FBXL20: variants seen among roughly 807,000 people sequenced by gnomAD.
FBXL20 encodes the protein F-box/LRR-repeat protein 20.
In FBXL20, 11 loss-of-function variants were observed where a neutral mutation model predicts 64.0. The observed-to-expected ratio is 0.17, with a 90% confidence interval of 0.11 to 0.28. The LOEUF (loss-of-function observed/expected upper bound fraction) is 0.28, where lower values mean the gene tolerates loss of function less well. Ranked by LOEUF, FBXL20 falls within the 10% of genes least tolerant of loss-of-function variation. FBXL20 has a pLI of 1.00. For missense variants in FBXL20, 303 were observed against 526.2 expected, an observed-to-expected ratio of 0.58 and a Z score of 4.15; for synonymous variants, 184 against 189.0, an observed-to-expected ratio of 0.97 and a Z score of 0.22.
chr17:39,367,174 C>T (rs1443373737), intron 1 of FBXL20, among the ~76,000 whole-genome samples: 1 of 152,034 alleles, frequency 6.6e-6, no homozygotes, highest in African/African-American at 2.4e-5. Context: ...TAAGCCACCG[C>T]GCCCAGCCTA....
intron 2 of FBXL20, among the ~76,000 whole-genome samples, chr17:39,322,239 T>C (rs2047364119): frequency 6.6e-6 from 1 of 151,624 alleles, no homozygotes; most frequent in Non-Finnish European, 1.5e-5. Context: ...ATATGTGTTT[T>C]GTGGGGAAAT....
At chr17:39,349,022 C>T (rs866439400) in intron 1 of FBXL20, among the ~76,000 whole-genome samples, 13 of 151,972 alleles carry the variant, frequency 8.6e-5, no homozygotes, top group Admixed American at 5.2e-4. Flanking sequence ...GAGGCTGAGG[C>T]GGGCAGATCA....
chr17:39,300,921 G>C (rs1315022746), intron 4 of FBXL20, 80 bp downstream of exon 4: 3 of 1,324,242 alleles, frequency 2.3e-6, no homozygotes, highest in Non-Finnish European at 3.2e-6. Context: ...ACGAAAATGA[G>C]ATTAATATGG....
At chr17:39,272,372 G>A (rs564157344) in intron 10 of FBXL20, among the ~76,000 whole-genome samples, 65 of 142,362 alleles carry the variant, frequency 4.6e-4, no homozygotes, top group African/African-American at 9.8e-4. Context: ...GCAACAGAGC[G>A]AGACTTTGTC....
intron 1 of FBXL20, among the ~76,000 whole-genome samples, chr17:39,385,147 A>G (rs150703161): frequency 6.6e-6 from 1 of 152,136 alleles, no homozygotes; most frequent in African/African-American, 2.4e-5. Context: ...GCTTGAGCCT[A>G]GGAGGTCAAG....
chr17:39,358,711 C>CA lies in FBXL20; in HGVS notation c.43-15471dup, dbSNP rs149702501. ...AAAAACAAAAAAACAAAAAAACAAA[C>CA]AAAAAAAACACCTCTCAGTAGAAAC... On this transcript the variant is annotated intron_variant, in intron 1 of 14. Transcript: ENST00000264658. Among the ~76,000 whole-genome samples the CA allele has an allele frequency of 9.2e-4, 139 of 150,718 alleles. 1 individual carries two copies. Among genetic ancestry groups the CA allele is most frequent in the African/African-American group, 3.0e-3 (125 of 41,144 alleles).
At chr17:39,314,900 C>T (rs537398528) in intron 2 of FBXL20, among the ~76,000 whole-genome samples, 22 of 145,770 alleles carry the variant, frequency 1.5e-4, no homozygotes, top group Non-Finnish European at 3.1e-4. Flanking sequence ...CTGGTTCAAA[C>T]GATTCTCCTG....
At position 39,302,017 on chromosome 17, in the gene FBXL20, T is replaced by G. The variant is rs181859476; in HGVS notation, c.160-942A>C. Among the ~76,000 whole-genome samples, 631 of 148,428 alleles carry G rather than the reference T, an allele frequency of 4.3e-3. 8 individuals are homozygous for G. Among genetic ancestry groups the G allele is most frequent in the Non-Finnish European group, 6.8e-3 (458 of 67,570 alleles). On this transcript the variant is annotated intron_variant, in intron 3 of 14. Transcript: ENST00000264658. ...GTATTTTCTAACTGGAAAATTCTAGTTTCTAATCCCAAAATGAGACAAAAG... is the reference window on the plus strand; with the variant it reads ...GTATTTTCTAACTGGAAAATTCTAGGTTCTAATCCCAAAATGAGACAAAAG...
At position 39,256,110 on chromosome 17, in the gene FBXL20, CAGAAGTTCG is replaced by C. The variant is rs1439853579; in HGVS notation, c.*5341_*5349del. On this transcript the variant is annotated 3_prime_UTR_variant, in exon 15 of 15. Transcript: ENST00000264658. ...CCAAGGCAGGTGGACCACTTGAGGT[CAGAAGTTCG>C]AGACTAGCCTGGCCAACATGGCAAA... 1.3e-5 allele frequency: 2 copies of C among 152,120 alleles called. No homozygotes were observed. Among genetic ancestry groups the C allele is most frequent in the Non-Finnish European group, 2.9e-5 (2 of 68,056 alleles). 9.4% of individuals were successfully genotyped at this position (152,120 alleles called of 1,614,324 possible).
chr17:39,299,398 A>G (rs1458578223), intron 4 of FBXL20, among the ~76,000 whole-genome samples: 1 of 152,186 alleles, frequency 6.6e-6, no homozygotes, highest in Admixed American at 6.6e-5. Flanking sequence ...AGCTACTGAA[A>G]GACAGCAACT....
chr17:39,266,489 G>A (rs2144343997), intron 12 of FBXL20, among the ~76,000 whole-genome samples: 1 of 152,302 alleles, frequency 6.6e-6, no homozygotes, highest in East Asian at 1.9e-4. Context: ...CAAAGTGCTA[G>A]AATTACAGGC....
chr17:39,391,241 C>A (rs2048130505), intron 1 of FBXL20, among the ~76,000 whole-genome samples: 1 of 145,570 alleles, frequency 6.9e-6, no homozygotes. Context: ...ACTAGTAAGA[C>A]CACCTGTCTC....
intron 10 of FBXL20, among the ~76,000 whole-genome samples, chr17:39,272,701 C>CAAAAAAAAAAAAAAAAAAAA (rs56138431): frequency 3.0e-5 from 3 of 98,880 alleles, no homozygotes; most frequent in Admixed American, 1.1e-4. Context: ...AACTCTATCT[C>CAAAAAAAAAAAAAAAAAAAA]AAAAAAAAAA....
chr17:39,253,622 T>A lies in FBXL20; in HGVS notation c.*7838A>T, dbSNP rs1159709350. The stretch of plus-strand genomic sequence containing the variant: ...CCAACAGGCTGTAAGGGTTAGAAGT[T>A]AGTGTGTAATTTGGAAGTAGGGTGA... On this transcript the variant is annotated 3_prime_UTR_variant, in exon 15 of 15. Coordinates refer to ENST00000264658, the MANE Select transcript of FBXL20 (RefSeq NM_032875.3). 1 of 152,210 alleles carries A rather than the reference T, an allele frequency of 6.6e-6. No individual in the cohort carries two copies. The highest frequency in any genetic ancestry group is 1.9e-4 in the East Asian group (1 of 5,308). The allele number at this position is 152,210 out of a possible 1,614,324, so 9.4% of individuals were successfully genotyped here. A position where few individuals can be genotyped will look rare whatever the true frequency, so the allele number is the denominator to read the frequency against.
chr17:39,334,356 T>A (rs1479573411), intron 2 of FBXL20, among the ~76,000 whole-genome samples: 1 of 152,032 alleles, frequency 6.6e-6, no homozygotes, highest in Non-Finnish European at 1.5e-5. Context: ...GCCCACTGCC[T>A]AGGAAAACCA....
At chr17:39,288,311 C>T (rs1191411089) in intron 6 of FBXL20, among the ~76,000 whole-genome samples, 1 of 152,028 alleles carries the variant, frequency 6.6e-6, no homozygotes, top group African/African-American at 2.4e-5. Context: ...CCTATGTCTT[C>T]GGTGAAATGT....
chr17:39,343,557 C>T (rs890901977), intron 1 of FBXL20, among the ~76,000 whole-genome samples: 2 of 152,110 alleles, frequency 1.3e-5, no homozygotes, highest in African/African-American at 4.8e-5. Context: ...AGATAGGAAG[C>T]TTGGTTACCA....
At chr17:39,376,818 T>C (rs180720766) in intron 1 of FBXL20, among the ~76,000 whole-genome samples, 137 of 152,106 alleles carry the variant, frequency 9.0e-4, no homozygotes, top group African/African-American at 3.1e-3. Context: ...CTGTGCAACA[T>C]AGTGATACCC....
At chr17:39,265,296 C>A in intron 13 of FBXL20, 101 bp downstream of exon 13, 1 of 859,452 alleles carries the variant, frequency 1.2e-6, no homozygotes. Flanking sequence ...AGCATCCTTT[C>A]CTAAAATGGT....
Sources: allele counts gnomAD v4.1 joint callset (sites outside exome capture counted in the v4.1 genomes callset), GRCh38; gene constraint gnomAD v4.1.1; transcripts MANE v1.5; gene names NCBI Gene and HGNC (gene_info 2026-07-23, HGNC 2026-07-21).